The following ASAP3 variants were observed in gnomAD, a reference collection of about 807,000 sequenced individuals.
ASAP3 encodes the protein arf-GAP with SH3 domain, ANK repeat and PH domain-containing protein 3.
ASAP3 carries 85 observed loss-of-function variants against 118.2 expected under a neutral mutation model. That is an observed-to-expected ratio of 0.72 (90% CI 0.60 to 0.86). The LOEUF (loss-of-function observed/expected upper bound fraction) is 0.86. ASAP3 is among the 40% of genes least tolerant of loss of function. The pLI, the probability that ASAP3 is intolerant of heterozygous loss-of-function variation, is 0.00. For missense variants in ASAP3, 1,026 were observed against 1,175.0 expected (o/e 0.87, Z 1.85); for synonymous variants, 432 against 477.4 (o/e 0.90, Z 1.24).
At chr1:23,452,575 C>A in intron 4 of ASAP3, 122 bp downstream of exon 4, 15 of 1,089,000 alleles carry the variant, frequency 1.4e-5, no homozygotes, top group Non-Finnish European at 2.1e-5. Flanking sequence ...CCAGGCTCAT[C>A]ACTCCCGCTA....
chr1:23,457,951 G>A (rs1641441668), intron 1 of ASAP3, among the ~76,000 whole-genome samples: 1 of 152,216 alleles, frequency 6.6e-6, no homozygotes, highest in Non-Finnish European at 1.5e-5. Context: ...GCTAGGCATG[G>A]AGTATGTTCA....
At chr1:23,434,803 G>A (rs1251719908) in intron 17 of ASAP3, among the ~76,000 whole-genome samples, 185 bp from the exon 18 acceptor site, 2 of 152,118 alleles carry the variant, frequency 1.3e-5, no homozygotes, top group Non-Finnish European at 2.9e-5. Flanking sequence ...TTCTCCCATT[G>A]TTCCCATTCA....
intron 1 of ASAP3, among the ~76,000 whole-genome samples, chr1:23,471,731 A>G (rs1296094118): frequency 7.9e-5 from 12 of 152,152 alleles, no homozygotes; most frequent in Admixed American, 7.9e-4. Flanking sequence ...ATCTAATCAG[A>G]CTGAACTCAG....
chr1:23,443,007 G>C (rs1467591312), intron 5 of ASAP3, among the ~76,000 whole-genome samples: 2 of 152,176 alleles, frequency 1.3e-5, no homozygotes, highest in African/African-American at 4.8e-5. Context: ...CTAAGGTAAG[G>C]AGGTGCCAGA....
chr1:23,432,815 CTT>C (rs1463526899), intron 22 of ASAP3, among the ~76,000 whole-genome samples: 1 of 152,160 alleles, frequency 6.6e-6, no homozygotes, highest in Non-Finnish European at 1.5e-5. Context: ...TCGTTTCTCT[CTT>C]GTTAAGTGGA....
intron 5 of ASAP3, among the ~76,000 whole-genome samples, chr1:23,444,150 T>C (rs1640969496): frequency 6.6e-6 from 1 of 152,232 alleles, no homozygotes; most frequent in Non-Finnish European, 1.5e-5. Flanking sequence ...ATTACAGGCA[T>C]GAGCCACCAC....
At position 23,442,205 on chromosome 1, in the gene ASAP3, A is replaced by C. The variant is rs149194749; in HGVS notation, c.652T>G (p.Phe218Val). 23 of 1,604,078 alleles carry C rather than the reference A, an allele frequency of 1.4e-5. No individual in the cohort carries two copies. The highest frequency in any genetic ancestry group is 1.7e-5 in the Non-Finnish European group (20 of 1,176,176). ...ACCTACTTGTGCTGGGCGTGGAAGA[A>C]CTTGATGAGGCTCTGAAGGAAGTCA... Reference protein sequence around the residue: ...GPDFLQSLIKFFHAQHNFFQD... With the variant: ...GPDFLQSLIKVFHAQHNFFQD... Residue 218 changes from phenylalanine to valine, a missense_variant, in exon 7 of 25, where the codon TTC becomes GTC. By Grantham distance (50) the Phe-to-Val change is conservative. Transcript: ENST00000336689.
Position 23,436,553 on chromosome 1 carries a change from C to T in ASAP3, c.1571+7G>A. ...CAGGGTGCCCCTCTCTCTGAGAATC[C>T]CCTTACATGTCACTCTCAGCTGAGG... On this transcript the variant is annotated splice_region_variant and intron_variant, in intron 16 of 24. Coordinates refer to ENST00000336689, the MANE Select transcript of ASAP3 (RefSeq NM_017707.4). This position sits in a 1 kb window ranked among gnomAD's most constrained non-coding sequence, Gnocchi z 4.2. 1 of 1,613,960 alleles carries T rather than the reference C, an allele frequency of 6.2e-7. No homozygotes were observed. Among genetic ancestry groups the T allele is most frequent in the Non-Finnish European group, 8.5e-7 (1 of 1,179,800 alleles).
chr1:23,444,963 CTT>C (rs555108300), intron 5 of ASAP3, among the ~76,000 whole-genome samples: 125 of 137,272 alleles, frequency 9.1e-4, no homozygotes, highest in Middle Eastern at 3.8e-3. Context: ...GCTCTGTAGG[CTT>C]TTTTTTTTTT....
intron 1 of ASAP3, among the ~76,000 whole-genome samples, chr1:23,470,961 C>T (rs1473867226): frequency 6.6e-6 from 1 of 152,082 alleles, no homozygotes; most frequent in Non-Finnish European, 1.5e-5. Flanking sequence ...CGGAAGGTTC[C>T]TCCTACCCGA....
At chr1:23,463,903 C>G (rs561948748) in intron 1 of ASAP3, among the ~76,000 whole-genome samples, 1 of 151,960 alleles carries the variant, frequency 6.6e-6, no homozygotes, top group African/African-American at 2.4e-5. Context: ...CTGCTTAACT[C>G]ACAGAATTAC....
chr1:23,432,868 C>A (rs1181806953), intron 22 of ASAP3, among the ~76,000 whole-genome samples: 3 of 152,170 alleles, frequency 2.0e-5, no homozygotes, highest in Non-Finnish European at 4.4e-5. Context: ...AGATTTGAAT[C>A]CTACATCAGA....
In ASAP3 at chr1:23,451,460, C is replaced by T. The variant is rs780897798; in HGVS notation, c.473+19G>A. ...AGTGCTACTCTCCCAGACAAACGAC[C>T]CTGGCTGTGGCCACTTACATTTTGG... On this transcript the variant is annotated intron_variant, in intron 5 of 24. Transcript: ENST00000336689. The T allele has an allele frequency of 1.9e-6, 3 of 1,613,398 alleles. No individual in the cohort carries two copies. Among genetic ancestry groups the T allele is most frequent in the South Asian group, 2.2e-5 (2 of 91,060 alleles).
At chr1:23,460,639 G>C (rs116162409) in intron 1 of ASAP3, among the ~76,000 whole-genome samples, 352 of 152,248 alleles carry the variant, frequency 2.3e-3, no homozygotes, top group African/African-American at 8.2e-3. Context: ...ATGCAAAATG[G>C]TACAGCCACT....
chr1:23,476,068 G>A (rs889415953), intron 1 of ASAP3, among the ~76,000 whole-genome samples: 2 of 152,058 alleles, frequency 1.3e-5, no homozygotes, highest in South Asian at 2.1e-4. Context: ...ATTTAAGGCC[G>A]GGCACAGTGG....
chr1:23,434,276 CT>C lies in ASAP3; in HGVS notation c.1928del (p.Lys643ArgfsTer9), dbSNP rs1475215628. The C allele has an allele frequency of 6.2e-7, 1 of 1,614,168 alleles. No individual in the cohort carries two copies. Among genetic ancestry groups the C allele is most frequent in the Admixed American group, 1.7e-5 (1 of 60,020 alleles). On this transcript the variant is annotated frameshift_variant, in exon 19 of 25. Coordinates refer to ENST00000336689, the MANE Select transcript of ASAP3 (RefSeq NM_017707.4). LOFTEE classifies it high-confidence loss of function. ...NQPDCLKLLL[K>X]GRALVGTVNE... ...CACCTGTGCCAACCAAAGCTCTCCC[CT>C]TCAGCAGCAGCTTGAGGCAGTCGGG...
chr1:23,455,796 G>A (rs893219357), intron 3 of ASAP3, 85 bp downstream of exon 3: 7 of 1,543,780 alleles, frequency 4.5e-6, no homozygotes, highest in Middle Eastern at 4.5e-4. Context: ...TTGGGAGAAG[G>A]AAGGAAACGG....
chr1:23,452,862 G>C (rs1240156411), intron 3 of ASAP3, 91 bp from the exon 4 acceptor site: 1 of 1,271,642 alleles, frequency 7.9e-7, no homozygotes, highest in African/African-American at 1.5e-5. Context: ...ACTTGGCAAA[G>C]AGAGCAGCGG....
intron 22 of ASAP3, among the ~76,000 whole-genome samples, chr1:23,432,556 C>T (rs537235196): frequency 3.9e-4 from 59 of 152,196 alleles, no homozygotes; most frequent in Non-Finnish European, 6.0e-4. Context: ...CTCCAACTGC[C>T]CCAACCTCCC....
Sources: allele counts gnomAD v4.1 joint callset (sites outside exome capture counted in the v4.1 genomes callset), GRCh38; gene constraint gnomAD v4.1.1; non-coding constraint Gnocchi (gnomAD v3.1); transcripts MANE v1.5; gene names NCBI Gene and HGNC (gene_info 2026-07-23, HGNC 2026-07-21).